DIP2C: variants seen among roughly 807,000 people sequenced by gnomAD.
DIP2C encodes the protein disco-interacting protein 2 homolog C.
In DIP2C, 33 loss-of-function variants were observed where a neutral mutation model predicts 192.4. The observed-to-expected ratio is 0.17, with a 90% confidence interval of 0.13 to 0.23. DIP2C has a LOEUF of 0.23. DIP2C is among the 10% of genes least tolerant of loss of function. The pLI is 1.00. For synonymous variants in DIP2C, 979 were observed against 864.1 expected (o/e 1.13, Z -2.33); for missense variants, 1,537 against 2,110.1 (o/e 0.73, Z 5.32).
chr10:440,568 G>T (rs1277615970), intron 4 of DIP2C, among the ~76,000 whole-genome samples: 1 of 152,114 alleles, frequency 6.6e-6, no homozygotes, highest in Admixed American at 6.5e-5. Flanking sequence ...ACCCAGAGGG[G>T]TACAAACTCT....
At chr10:573,074 G>A (rs1406300512) in intron 1 of DIP2C, among the ~76,000 whole-genome samples, 1 of 152,068 alleles carries the variant, frequency 6.6e-6, no homozygotes, top group Non-Finnish European at 1.5e-5. Flanking sequence ...TTCTCGGAGG[G>A]AAATGCTACA....
intron 1 of DIP2C, among the ~76,000 whole-genome samples, chr10:575,382 T>C (rs1850087334): frequency 6.6e-6 from 1 of 152,308 alleles, no homozygotes; most frequent in Admixed American, 6.5e-5. Flanking sequence ...TCAGGGCATA[T>C]GATTTCTGCC....
intron 1 of DIP2C, among the ~76,000 whole-genome samples, chr10:656,741 A>G (rs1856358486): frequency 6.6e-6 from 1 of 152,114 alleles, no homozygotes; most frequent in Admixed American, 6.5e-5. Context: ...TGAAGGAGTG[A>G]CAGGAAGACA....
rs372983879 is a variant in DIP2C at position 502,512 on chromosome 10, ACAT to A, written c.86-15985_86-15983del. 1.4e-4 allele frequency among the ~76,000 whole-genome samples: 22 copies of A among 152,284 alleles called. No individual in the cohort carries two copies. In the South Asian group the frequency reaches 3.5e-3, roughly 24 times the overall value. Reference sequence around the variant, plus strand: ...ATGTTAAACTCAAAGCCAGAAAAAGACATCATAATGAGCACAAATCAAAGAAAC... The same window carrying A: ...ATGTTAAACTCAAAGCCAGAAAAAGACATAATGAGCACAAATCAAAGAAAC... On this transcript the variant is annotated intron_variant, in intron 1 of 36. Coordinates refer to ENST00000280886, the MANE Select transcript of DIP2C (RefSeq NM_014974.3).
chr10:306,751 C>G (rs1373449294), intron 32 of DIP2C, among the ~76,000 whole-genome samples: 2 of 152,182 alleles, frequency 1.3e-5, no homozygotes, highest in African/African-American at 4.8e-5. Context: ...GAGGTGAGTC[C>G]TCTGTCACCA....
At chr10:658,419 G>A (rs1856546859) in intron 1 of DIP2C, among the ~76,000 whole-genome samples, 1 of 152,252 alleles carries the variant, frequency 6.6e-6, no homozygotes, top group Non-Finnish European at 1.5e-5. Flanking sequence ...GTCTGCTACT[G>A]GACTGCTAAC....
At chr10:645,461 C>T (rs1019479121) in intron 1 of DIP2C, among the ~76,000 whole-genome samples, 8 of 152,266 alleles carry the variant, frequency 5.3e-5, no homozygotes, top group African/African-American at 9.6e-5. Flanking sequence ...CCATCTCTAA[C>T]GCCAAGAAAC....
rs1053836662 is a variant in DIP2C at position 413,770 on chromosome 10, C to T, written c.1057+143G>A. 7.9e-6 allele frequency: 8 copies of T among 1,009,846 alleles called. No individual in the cohort carries two copies. In the African/African-American group the frequency reaches 8.1e-5, roughly 10 times the overall value. 62.6% of individuals were successfully genotyped at this position (1,009,846 alleles called of 1,614,324 possible). ...CTGAGCTTCGTGCGTTCGGGAGTGG[C>T]TGCGCGAGGGCGTGGGCAAAGGGCA... is the stretch of plus-strand genomic sequence containing the variant. On this transcript the variant is annotated intron_variant, in intron 8 of 36. Coordinates refer to ENST00000280886, the MANE Select transcript of DIP2C (RefSeq NM_014974.3).
rs373498354 is a variant in DIP2C at position 348,610 on chromosome 10, G to A, written c.3231+31C>T. ...AAGCTCCACACTCAGCTCCAGGCAGGTGGAGGCCCCGACATTCCCAGGCAT... is the reference window on the plus strand; with the variant it reads ...AAGCTCCACACTCAGCTCCAGGCAGATGGAGGCCCCGACATTCCCAGGCAT... On this transcript the variant is annotated intron_variant, in intron 26 of 36. Transcript: ENST00000280886. 17 of 1,607,094 alleles carry A rather than the reference G, an allele frequency of 1.1e-5. No individual in the cohort carries two copies. In the African/African-American group the frequency reaches 1.3e-4, roughly 13 times the overall value.
At chr10:531,368 G>C (rs528314760) in intron 1 of DIP2C, among the ~76,000 whole-genome samples, 1 of 151,888 alleles carries the variant, frequency 6.6e-6, no homozygotes, top group Non-Finnish European at 1.5e-5. Context: ...CCTCCTGAGG[G>C]GCGTGTGCTT....
chr10:409,337 C>A (rs1413403628), intron 8 of DIP2C, among the ~76,000 whole-genome samples: 1 of 152,198 alleles, frequency 6.6e-6, no homozygotes, highest in Non-Finnish European at 1.5e-5. Flanking sequence ...ACAGTGCACA[C>A]ACCGTCGTCA....
intron 4 of DIP2C, among the ~76,000 whole-genome samples, chr10:435,108 G>A (rs563328545): frequency 3.9e-5 from 6 of 152,076 alleles, no homozygotes; most frequent in African/African-American, 1.4e-4. Flanking sequence ...TTGTATTACC[G>A]TTCCGCATAA....
At chr10:569,446 G>A (rs1055004618) in intron 1 of DIP2C, among the ~76,000 whole-genome samples, 1 of 152,146 alleles carries the variant, frequency 6.6e-6, no homozygotes, top group Non-Finnish European at 1.5e-5. Flanking sequence ...AATGATGTGT[G>A]ACAACAGAAT....
Position 283,282 on chromosome 10 carries a change from A to T in DIP2C, c.4284T>A (p.Asp1428Glu). The T allele has an allele frequency of 6.2e-7, 1 of 1,613,704 alleles. No individual in the cohort carries two copies. Among genetic ancestry groups the T allele is most frequent in the South Asian group, 1.1e-5 (1 of 91,054 alleles). The change falls in exon 35 of 37, where the codon GAT (aspartate) becomes GAA (glutamate). Residue 1428 changes from aspartate (D) to glutamate (E), a missense_variant. Physicochemically the swap from Asp to Glu is conservative, Grantham distance 45. Around this residue, in one of 4 missense-constraint regions of DIP2C, gnomAD observed 341 missense variants for 551.7 expected, o/e 0.62. Coordinates refer to ENST00000280886, the MANE Select transcript of DIP2C (RefSeq NM_014974.3). ...LGFLRRTELTDANGERHDALY... is the reference protein window; with the variant it reads ...LGFLRRTELTEANGERHDALY... ...AGCCTGGACTCTCACCTCCATTTGC[A>T]TCTGTGAGCTCAGTTCTCCGCAGGA... is the stretch of plus-strand genomic sequence containing the variant.
chr10:644,811 G>C (rs548855252), intron 1 of DIP2C, among the ~76,000 whole-genome samples: 26 of 152,400 alleles, frequency 1.7e-4, no homozygotes, highest in African/African-American at 6.3e-4. Flanking sequence ...TACATGCAGA[G>C]GCAGACAGAA....
chr10:450,443 C>G (rs1318238590), intron 3 of DIP2C, among the ~76,000 whole-genome samples: 1 of 152,198 alleles, frequency 6.6e-6, no homozygotes, highest in Non-Finnish European at 1.5e-5. Context: ...GATCAATTCC[C>G]TTATTTCTCT....
intron 10 of DIP2C, among the ~76,000 whole-genome samples, chr10:393,143 T>C (rs1963633300): frequency 6.6e-6 from 1 of 152,206 alleles, no homozygotes; most frequent in African/African-American, 2.4e-5. Context: ...AAACAGGTGC[T>C]ACATCTCAGG....
At chr10:517,234 T>C (rs1458907632) in intron 1 of DIP2C, among the ~76,000 whole-genome samples, 1 of 152,164 alleles carries the variant, frequency 6.6e-6, no homozygotes, top group Admixed American at 6.5e-5. Context: ...AAATCAAACC[T>C]TGCTGTCCTT....
At chr10:298,850 C>A (rs140790617) in intron 32 of DIP2C, among the ~76,000 whole-genome samples, 1 of 152,346 alleles carries the variant, frequency 6.6e-6, no homozygotes, top group Non-Finnish European at 1.5e-5. Flanking sequence ...TCTCCTACTT[C>A]AATCTTCGCT....
Sources: gnomAD v4.1 joint callset for allele counts (sites outside exome capture counted in the v4.1 genomes callset) on GRCh38, gnomAD v4.1.1 for gene constraint, gnomAD v4.1.1 regional missense constraint, MANE v1.5 for transcripts, NCBI Gene and HGNC (gene_info 2026-07-23, HGNC 2026-07-21) for gene names.